Variants in CTNNA2 observed in about 807,000 individuals in gnomAD.
CTNNA2 encodes catenin alpha 2, also known as catenin alpha-2.
In CTNNA2, 42 loss-of-function variants were observed where a neutral mutation model predicts 101.0. That is an observed-to-expected ratio of 0.42 (90% CI 0.32 to 0.54). The LOEUF (loss-of-function observed/expected upper bound fraction) is 0.54. CTNNA2 is among the 20% of genes least tolerant of loss of function. The pLI, the probability that CTNNA2 is intolerant of heterozygous loss-of-function variation, is 0.14. For synonymous variants in CTNNA2, 450 were observed against 456.4 expected (o/e 0.99, Z 0.18); for missense variants, 871 against 1,223.1 (o/e 0.71, Z 4.29).
At chr2:79,687,289 C>A (rs1428133188) in intron 2 of CTNNA2, among the ~76,000 whole-genome samples, 2 of 152,016 alleles carry the variant, frequency 1.3e-5, no homozygotes, top group Non-Finnish European at 2.9e-5. Flanking sequence ...AAGTGATACT[C>A]AAAATAGTAT....
At chr2:80,597,912 G>A (rs1191002711) in intron 15 of CTNNA2, among the ~76,000 whole-genome samples, 1 of 152,184 alleles carries the variant, frequency 6.6e-6, no homozygotes, top group African/African-American at 2.4e-5. Flanking sequence ...ACAGTGTGGT[G>A]ATTACTCAAA....
At position 80,302,956 on chromosome 2, in the gene CTNNA2, G is replaced by C; in HGVS notation, c.1057-90255G>C. ...GCTCGATGTAGGTGAGGCGGTTGGA[G>C]TCCAGCTGCAGGGACTGCAGGTGCG... On this transcript the variant is annotated intron_variant, in intron 7 of 18. Transcript: ENST00000402739. The surrounding 1 kb of genome is among the most constrained non-coding windows in gnomAD (Gnocchi z 6.4). The C allele has an allele frequency of 6.2e-7, 1 of 1,613,972 alleles. No individual in the cohort carries two copies. Among genetic ancestry groups the C allele is most frequent in the South Asian group, 1.1e-5 (1 of 91,050 alleles).
At chr2:80,580,969 T>A (rs1695484154) in intron 13 of CTNNA2, among the ~76,000 whole-genome samples, 1 of 152,110 alleles carries the variant, frequency 6.6e-6, no homozygotes. Flanking sequence ...TGAGCCAAGA[T>A]CCCACTGCTG....
chr2:80,206,226 C>A (rs115964784), intron 7 of CTNNA2, among the ~76,000 whole-genome samples: 2,839 of 152,282 alleles, frequency 0.019, 95 homozygotes, highest in African/African-American at 0.064. Context: ...GATGTGGATT[C>A]TTTAGAATAG....
intron 4 of CTNNA2, among the ~76,000 whole-genome samples, chr2:79,474,393 A>T (rs1378129572): frequency 6.6e-6 from 1 of 152,154 alleles, no homozygotes; most frequent in South Asian, 2.1e-4. Context: ...GACATAAGCC[A>T]ATGTCTAAAG....
intron 18 of CTNNA2, among the ~76,000 whole-genome samples, chr2:80,638,711 G>T (rs149996729): frequency 6.6e-6 from 1 of 152,110 alleles, no homozygotes; most frequent in Non-Finnish European, 1.5e-5. Context: ...TTTCATGGGC[G>T]TCCCCAAGGT....
intron 3 of CTNNA2, among the ~76,000 whole-genome samples, chr2:79,352,879 C>T (rs530685666): frequency 1.1e-4 from 16 of 152,166 alleles, no homozygotes; most frequent in South Asian, 2.1e-4. Flanking sequence ...TTCTGGGGAG[C>T]CTCAGAAAAC....
intron 7 of CTNNA2, among the ~76,000 whole-genome samples, chr2:80,308,797 C>T (rs917671088): frequency 6.6e-6 from 1 of 152,024 alleles, no homozygotes; most frequent in Non-Finnish European, 1.5e-5. Context: ...AATGCAAGTT[C>T]TCCTGGGCAT....
chr2:79,630,820 C>A (rs567896100), intron 1 of CTNNA2, among the ~76,000 whole-genome samples: 1 of 150,818 alleles, frequency 6.6e-6, no homozygotes, highest in Non-Finnish European at 1.5e-5. Context: ...GGTGGGCCTA[C>A]AAATTATTTC....
At chr2:79,214,713 A>T (rs913062789) in intron 2 of CTNNA2, among the ~76,000 whole-genome samples, 1 of 152,048 alleles carries the variant, frequency 6.6e-6, no homozygotes, top group Non-Finnish European at 1.5e-5. Flanking sequence ...GGTTGGGGAA[A>T]AGGGCGGCAG....
chr2:80,440,051 A>G (rs1682419822), intron 9 of CTNNA2, among the ~76,000 whole-genome samples: 1 of 152,238 alleles, frequency 6.6e-6, no homozygotes, highest in South Asian at 2.1e-4. Context: ...TGCTATGGAA[A>G]CAGGAAAAGT....
chr2:79,445,330 C>T (rs374162084), intron 4 of CTNNA2, among the ~76,000 whole-genome samples: 1 of 152,030 alleles, frequency 6.6e-6, no homozygotes, highest in Admixed American at 6.6e-5. Flanking sequence ...TCAAAAGTAC[C>T]CAAGTTTTGC....
intron 7 of CTNNA2, among the ~76,000 whole-genome samples, chr2:80,116,678 G>C (rs962561643): frequency 1.3e-5 from 2 of 152,156 alleles, no homozygotes; most frequent in African/African-American, 2.4e-5. Context: ...ATTTTAGGAT[G>C]ACAGCCAGGT....
chr2:79,990,159 T>G (rs1384660157), intron 7 of CTNNA2, among the ~76,000 whole-genome samples: 1 of 151,966 alleles, frequency 6.6e-6, no homozygotes, highest in African/African-American at 2.4e-5. Flanking sequence ...GCAGGTAGAT[T>G]TAGAAAGATG....
intron 3 of CTNNA2, among the ~76,000 whole-genome samples, chr2:79,342,785 G>A (rs919225237): frequency 4.3e-4 from 66 of 152,152 alleles, no homozygotes; most frequent in Admixed American, 4.1e-3. Flanking sequence ...TCAAAAATCT[G>A]TAGCCATTCT....
intron 7 of CTNNA2, among the ~76,000 whole-genome samples, chr2:80,132,347 C>G (rs1043557494): frequency 1.3e-5 from 2 of 152,068 alleles, no homozygotes; most frequent in African/African-American, 4.8e-5. Flanking sequence ...CAAGACTGGT[C>G]TCCATCTGTT....
chr2:80,368,871 A>G (rs1445377644), intron 7 of CTNNA2, among the ~76,000 whole-genome samples: 1 of 144,532 alleles, frequency 6.9e-6, no homozygotes, highest in African/African-American at 2.7e-5. Context: ...GTGTGTGTAT[A>G]TATATATATA....
intron 1 of CTNNA2, among the ~76,000 whole-genome samples, chr2:79,553,676 G>A (rs1247670418): frequency 6.6e-6 from 1 of 152,116 alleles, no homozygotes; most frequent in Non-Finnish European, 1.5e-5. Context: ...TAAACAACCA[G>A]ATCTTGTGAG....
intron 7 of CTNNA2, among the ~76,000 whole-genome samples, chr2:80,093,420 T>G (rs1380659290): frequency 1.3e-5 from 2 of 152,312 alleles, no homozygotes; most frequent in Non-Finnish European, 2.9e-5. Context: ...GACATTTGGG[T>G]TGGTTCCAAG....
Sources: allele counts gnomAD v4.1 joint callset (sites outside exome capture counted in the v4.1 genomes callset), GRCh38; gene constraint gnomAD v4.1.1; non-coding constraint Gnocchi (gnomAD v3.1); transcripts MANE v1.5; gene names NCBI Gene and HGNC (gene_info 2026-07-23, HGNC 2026-07-21).